LRP1B: variants seen among roughly 807,000 people sequenced by gnomAD.
LRP1B encodes LDL receptor related protein 1B.
A neutral mutation model predicts 556.6 loss-of-function variants in LRP1B; 217 were observed. The observed-to-expected ratio is 0.39, with a 90% CI of 0.35 to 0.44. The LOEUF (loss-of-function observed/expected upper bound fraction) is 0.44. LRP1B is among the 20% of genes least tolerant of loss of function. LRP1B has a pLI of 1.00. For missense variants in LRP1B, 5,053 were observed against 5,620.8 expected, an observed-to-expected ratio of 0.90 and a Z score of 3.23; for synonymous variants, 2,047 against 1,865.8, an observed-to-expected ratio of 1.10 and a Z score of -2.50.
intron 41 of LRP1B, among the ~76,000 whole-genome samples, chr2:140,697,086 C>T (rs181284197): frequency 2.0e-5 from 3 of 152,156 alleles, no homozygotes; most frequent in East Asian, 1.9e-4. Context: ...TGGGCTCGAC[C>T]GATGTTTCAA....
intron 2 of LRP1B, among the ~76,000 whole-genome samples, chr2:141,644,690 C>T (rs987023): frequency 0.13 from 19,957 of 150,616 alleles, 1,999 homozygotes; most frequent in African/African-American, 0.27. Flanking sequence ...TGACCAGAGT[C>T]AGTAGAATAT....
intron 7 of LRP1B, among the ~76,000 whole-genome samples, chr2:141,091,807 G>A (rs1294669166): frequency 6.6e-6 from 1 of 152,164 alleles, no homozygotes; most frequent in African/African-American, 2.4e-5. Context: ...AGAAGCAAAA[G>A]TACACAGCAA....
rs140657880 is a variant in LRP1B at position 141,116,630 on chromosome 2, A to C, written c.1014-54357T>G. On this transcript the variant is annotated intron_variant, in intron 7 of 90. Transcript: ENST00000389484. ...AGGGGCTCCTTAGAAGGTAGTATGGAAACCAGTATCATCTTTATTTTTATA... is the reference window on the plus strand; with the variant it reads ...AGGGGCTCCTTAGAAGGTAGTATGGCAACCAGTATCATCTTTATTTTTATA... 1.6e-4 allele frequency among the ~76,000 whole-genome samples: 24 copies of C among 152,276 alleles called. No individual in the cohort carries two copies. In the East Asian group the frequency reaches 4.6e-3, roughly 29 times the overall value.
chr2:140,271,961 C>T (rs1456692789), intron 85 of LRP1B, among the ~76,000 whole-genome samples: 2 of 151,790 alleles, frequency 1.3e-5, no homozygotes, highest in Admixed American at 6.6e-5. Flanking sequence ...GCTCATTATA[C>T]ATTAAATGAT....
chr2:141,669,157 G>A (rs1690567181), intron 2 of LRP1B, among the ~76,000 whole-genome samples: 1 of 151,862 alleles, frequency 6.6e-6, no homozygotes, highest in African/African-American at 2.4e-5. Flanking sequence ...TTGGAGATAG[G>A]GGCTTTGAAG....
chr2:141,476,018 A>G (rs1417618100), intron 3 of LRP1B, among the ~76,000 whole-genome samples: 41 of 152,208 alleles, frequency 2.7e-4, no homozygotes, highest in Admixed American at 2.7e-3. Flanking sequence ...GAGCTAAAAG[A>G]GCACTATAAC....
intron 72 of LRP1B, among the ~76,000 whole-genome samples, chr2:140,361,948 T>C (rs1328715918): frequency 2.0e-5 from 3 of 151,580 alleles, no homozygotes; most frequent in Non-Finnish European, 4.4e-5. Context: ...CTGTTCCCTT[T>C]CCTGTGACCC....
At chr2:140,524,067 T>C (rs1690312537) in intron 49 of LRP1B, among the ~76,000 whole-genome samples, 1 of 151,700 alleles carries the variant, frequency 6.6e-6, no homozygotes, top group Non-Finnish European at 1.5e-5. Flanking sequence ...TTTCCAACTA[T>C]GTATCTGGCA....
chr2:141,446,446 G>A (rs1403700364), intron 3 of LRP1B, among the ~76,000 whole-genome samples: 5 of 152,142 alleles, frequency 3.3e-5, no homozygotes, highest in Non-Finnish European at 7.3e-5. Context: ...ATTTGATCCT[G>A]TCATTATGAT....
At chr2:141,714,739 C>A (rs559272544) in intron 2 of LRP1B, among the ~76,000 whole-genome samples, 2 of 152,020 alleles carry the variant, frequency 1.3e-5, no homozygotes, top group African/African-American at 2.4e-5. Context: ...AACTTTCAGA[C>A]AGGCCAAGTA....
At chr2:141,711,594 C>T (rs1692359202) in intron 2 of LRP1B, among the ~76,000 whole-genome samples, 1 of 152,168 alleles carries the variant, frequency 6.6e-6, no homozygotes, top group South Asian at 2.1e-4. Flanking sequence ...TTCTTTCTTG[C>T]ATTTCTAGCA....
chr2:140,874,714 T>A (rs1401034742), intron 25 of LRP1B, among the ~76,000 whole-genome samples: 2 of 151,962 alleles, frequency 1.3e-5, no homozygotes, highest in African/African-American at 4.8e-5. Context: ...GGGCTTGGAC[T>A]CCTGGGTCTA....
intron 1 of LRP1B, among the ~76,000 whole-genome samples, chr2:142,037,012 C>G (rs1309358697): frequency 6.6e-6 from 1 of 151,604 alleles, no homozygotes; most frequent in Non-Finnish European, 1.5e-5. Flanking sequence ...TTGGGTCACA[C>G]AGAGGACTAT....
Position 142,061,197 on chromosome 2 carries a change from TA to T in LRP1B, c.82+69450del, listed in dbSNP as rs564305282. Among the ~76,000 whole-genome samples the T allele has an allele frequency of 1.2e-4, 18 of 151,950 alleles. No homozygotes were observed. In the East Asian group the frequency reaches 3.5e-3, roughly 30 times the overall value. ...AAAATGAATAGTTCAGAATAAAGAG[TA>T]AAGCAATGCTCAGAGTGCTTGTGTG... is the stretch of plus-strand genomic sequence containing the variant. On this transcript the variant is annotated intron_variant, in intron 1 of 90. Coordinates refer to ENST00000389484, the MANE Select transcript of LRP1B (RefSeq NM_018557.3).
chr2:141,905,992 A>ATGTGTG (rs10588603), intron 1 of LRP1B, among the ~76,000 whole-genome samples: 20 of 140,284 alleles, frequency 1.4e-4, no homozygotes, highest in South Asian at 4.7e-4. Context: ...TAGACAAGAG[A>ATGTGTG]TGTGTGTGTG....
At chr2:141,715,205 T>A (rs1293997204) in intron 2 of LRP1B, among the ~76,000 whole-genome samples, 1 of 152,126 alleles carries the variant, frequency 6.6e-6, no homozygotes, top group Non-Finnish European at 1.5e-5. Context: ...TGGTGACTCA[T>A]ACCTGTAATC....
intron 2 of LRP1B, among the ~76,000 whole-genome samples, chr2:141,784,778 A>G (rs1286552134): frequency 1.3e-5 from 2 of 151,968 alleles, no homozygotes; most frequent in Admixed American, 6.6e-5. Context: ...TATGTGTATT[A>G]ATAACATGAC....
At chr2:140,514,856 C>A (rs1574027218) in intron 50 of LRP1B, 84 bp from the exon 51 acceptor site, 2 of 1,272,276 alleles carry the variant, frequency 1.6e-6, no homozygotes, top group Non-Finnish European at 2.1e-6. Flanking sequence ...CTTTCTTAGA[C>A]TTTGCTAAAA....
chr2:140,364,260 G>A (rs1197008688), intron 72 of LRP1B, among the ~76,000 whole-genome samples: 1 of 151,522 alleles, frequency 6.6e-6, no homozygotes, highest in African/African-American at 2.4e-5. Context: ...GGTGGCTTGT[G>A]AAACTATGAG....
Sources: gnomAD v4.1 joint callset for allele counts (sites outside exome capture counted in the v4.1 genomes callset) on GRCh38, gnomAD v4.1.1 for gene constraint, MANE v1.5 for transcripts, NCBI Gene and HGNC (gene_info 2026-07-23, HGNC 2026-07-21) for gene names.